The following NAV2 variants were observed in gnomAD, a reference collection of about 807,000 sequenced individuals.
NAV2 encodes helicase, APC down-regulated 1.
In NAV2, 54 loss-of-function variants were observed where a neutral mutation model predicts 223.2. The observed-to-expected ratio is 0.24, with a 90% confidence interval of 0.19 to 0.30. NAV2 has a LOEUF of 0.30. NAV2 is among the 10% of genes least tolerant of loss of function. NAV2 has a pLI of 1.00. For synonymous variants in NAV2, 1,279 were observed against 1,239.3 expected (o/e 1.03, Z -0.67); for missense variants, 2,806 against 3,147.5 (o/e 0.89, Z 2.60).
chr11:19,872,128 TTACAGCC>T (rs1470493119), intron 4 of NAV2, among the ~76,000 whole-genome samples: 66 of 152,304 alleles, frequency 4.3e-4, no homozygotes, highest in African/African-American at 1.5e-3. Context: ...GCAAGGGTAC[TTACAGCC>T]TTTAATCCTC....
At chr11:19,484,428 G>T (rs1471825505) in intron 1 of NAV2, among the ~76,000 whole-genome samples, 4 of 152,200 alleles carry the variant, frequency 2.6e-5, no homozygotes, top group African/African-American at 9.6e-5. Flanking sequence ...TATATTCCCT[G>T]GAAAACAGTC....
intron 1 of NAV2, among the ~76,000 whole-genome samples, chr11:19,374,080 G>A (rs1179326004): frequency 3.3e-5 from 5 of 152,056 alleles, no homozygotes; most frequent in African/African-American, 4.8e-5. Context: ...ACATTTTATA[G>A]CAATTATAAT....
In NAV2 at chr11:20,080,082, C is replaced by T; in HGVS notation, c.5198C>T (p.Ser1733Phe). 6.2e-7 allele frequency: 1 copy of T among 1,613,986 alleles called. No homozygotes were observed. The highest frequency in any genetic ancestry group is 8.5e-7 in the Non-Finnish European group (1 of 1,180,012). The stretch of plus-strand genomic sequence containing the variant: ...TCTCCAGGAAACGGCACTGCCCAGT[C>T]TGCAGACCTCCGCATCCGCAGGCAG... ...LNCKGNGTAQ[S>F]ADLRIRRQHS... The change falls in exon 25 of 38, where the codon TCT becomes TTT. Residue 1733 changes from serine (S) to phenylalanine (F), a missense_variant. Around this residue, in one of 4 missense-constraint regions of NAV2, gnomAD observed 824 missense variants for 1,069.4 expected, o/e 0.77. Coordinates refer to ENST00000349880, the MANE Select transcript of NAV2 (RefSeq NM_145117.5).
intron 1 of NAV2, among the ~76,000 whole-genome samples, chr11:19,500,794 T>C (rs555986661): frequency 1.3e-5 from 2 of 152,316 alleles, no homozygotes; most frequent in East Asian, 3.9e-4. Flanking sequence ...ATGGGTAAGG[T>C]TGCTCAGGCT....
intron 1 of NAV2, among the ~76,000 whole-genome samples, chr11:19,559,106 C>A (rs1590523510): frequency 6.6e-6 from 1 of 152,222 alleles, no homozygotes; most frequent in African/African-American, 2.4e-5. Context: ...CTTGCACATG[C>A]AAGAATGGGA....
intron 22 of NAV2, among the ~76,000 whole-genome samples, chr11:20,075,769 A>T (rs7125801): frequency 0.31 from 46,020 of 147,436 alleles, 8,135 homozygotes; most frequent in African/African-American, 0.47. Flanking sequence ...CGGCAAAAGC[A>T]TCTCCCCACC....
chr11:19,561,901 C>T (rs2045112635), intron 1 of NAV2, among the ~76,000 whole-genome samples: 1 of 152,168 alleles, frequency 6.6e-6, no homozygotes, highest in Non-Finnish European at 1.5e-5. Context: ...GCTACCATCC[C>T]TGGGGATGAT....
chr11:19,448,317 A>G (rs917587274), intron 1 of NAV2, among the ~76,000 whole-genome samples: 1 of 152,186 alleles, frequency 6.6e-6, no homozygotes, highest in Non-Finnish European at 1.5e-5. Flanking sequence ...TGGGGTTGGT[A>G]CCAATGTATT....
At chr11:19,985,625 G>A (rs535907319) in intron 11 of NAV2, among the ~76,000 whole-genome samples, 14 of 152,100 alleles carry the variant, frequency 9.2e-5, no homozygotes, top group African/African-American at 2.9e-4. Flanking sequence ...CACCCAGGCT[G>A]GAGTGCAGTG....
rs2063389799 is a variant in NAV2 at position 20,119,938 on chromosome 11, G to A, written c.*1680G>A. On this transcript the variant is annotated 3_prime_UTR_variant, in exon 38 of 38. Transcript: ENST00000349880. Reference sequence around the variant, plus strand: ...AGTTTCTACAAGTCTACATGACCTTGCTGATACTTGTTCTAATAGAAACCC... The same window carrying A: ...AGTTTCTACAAGTCTACATGACCTTACTGATACTTGTTCTAATAGAAACCC... 6.6e-6 allele frequency: 1 copy of A among 152,168 alleles called. No individual in the cohort carries two copies. Among genetic ancestry groups the A allele is most frequent in the Admixed American group, 6.5e-5 (1 of 15,274 alleles). The allele number at this position is 152,168 out of a possible 1,614,324, so 9.4% of individuals were successfully genotyped here. A position where few individuals can be genotyped will look rare whatever the true frequency, so the allele number is the denominator to read the frequency against.
At chr11:19,969,076 C>A (rs953143078) in intron 10 of NAV2, among the ~76,000 whole-genome samples, 3 of 152,256 alleles carry the variant, frequency 2.0e-5, no homozygotes, top group African/African-American at 7.2e-5. Flanking sequence ...CACCCTGTCC[C>A]TCTTGTGAAC....
At position 19,946,328 on chromosome 11, in the gene NAV2, G is replaced by C. The variant is rs1201027529; in HGVS notation, c.2147-73G>C. The C allele has an allele frequency of 5.2e-6, 7 of 1,357,732 alleles. No homozygotes were observed. The African/African-American group carries it at 8.8e-5, about 17-fold the overall frequency. 84.1% of individuals were successfully genotyped at this position (1,357,732 alleles called of 1,614,324 possible). On this transcript the variant is annotated intron_variant, in intron 8 of 37. Transcript: ENST00000349880. ...AGCATGGAATATGGTTATGGTCATA[G>C]ACATGGATGCTGCCCTTATGAAGCT...
chr11:20,079,691 GC>G (rs1486983823), intron 24 of NAV2, among the ~76,000 whole-genome samples: 4 of 152,176 alleles, frequency 2.6e-5, no homozygotes, highest in Non-Finnish European at 5.9e-5. Flanking sequence ...CTGCAAGAAG[GC>G]CACTGTGACA....
intron 1 of NAV2, among the ~76,000 whole-genome samples, chr11:19,396,650 C>T (rs529673186): frequency 1.3e-5 from 2 of 152,132 alleles, no homozygotes; most frequent in African/African-American, 4.8e-5. Flanking sequence ...CTGCTCTCTG[C>T]CAGTGCATCC....
Position 19,934,163 on chromosome 11 carries a change from G to A in NAV2, c.1919G>A (p.Gly640Glu), listed in dbSNP as rs2045635395. Residue 640 changes from glycine (G) to glutamate (E), a missense_variant, in exon 7 of 38, where the codon GGG becomes GAG. By Grantham distance (98) the Gly-to-Glu change is moderately conservative (BLOSUM62 -2). This residue lies in a region of NAV2 where 1,167 missense variants were observed against 1,180.5 expected (regional missense o/e 0.99). Coordinates refer to ENST00000349880, the MANE Select transcript of NAV2 (RefSeq NM_145117.5). ...AGCATCAGCAGCCAGACTGTCAGTG[G>A]GTCTGTCGGGACCACCCAGACCACA... Reference protein sequence around the residue: ...NHSISSQTVSGSVGTTQTTGS... With the variant: ...NHSISSQTVSESVGTTQTTGS... 6.2e-7 allele frequency: 1 copy of A among 1,613,734 alleles called. No individual in the cohort carries two copies. The highest frequency in any genetic ancestry group is 1.7e-5 in the Admixed American group (1 of 59,966).
rs564483654 is a variant in NAV2, at chr11:19,866,965, C to T, written c.439-1960C>T. 5.3e-4 allele frequency among the ~76,000 whole-genome samples: 80 copies of T among 152,166 alleles called. No individual in the cohort carries two copies. In the South Asian group the frequency reaches 5.8e-3, roughly 11 times the overall value. On this transcript the variant is annotated intron_variant, in intron 3 of 37. Transcript: ENST00000349880. ...AGTAGGAGAGAATGATAGGAAAAGG[C>T]AAGCAGTAGAAGAGAGATTTTATAA...
intron 1 of NAV2, among the ~76,000 whole-genome samples, chr11:19,763,772 GTTGTTTTT>G (rs1417970627): frequency 1.4e-4 from 20 of 146,622 alleles, no homozygotes; most frequent in Admixed American, 6.2e-4. Context: ...GATTAGCGTT[GTTGTTTTT>G]TTGTTTTTTT....
At chr11:20,076,678 A>G (rs987205564) in intron 22 of NAV2, among the ~76,000 whole-genome samples, 2 of 152,166 alleles carry the variant, frequency 1.3e-5, no homozygotes, top group Non-Finnish European at 2.9e-5. Context: ...TTAGGGCACA[A>G]AGTTACCTCT....
chr11:19,813,681 C>T (rs1358476022), intron 1 of NAV2, among the ~76,000 whole-genome samples: 2 of 152,180 alleles, frequency 1.3e-5, no homozygotes, highest in Non-Finnish European at 2.9e-5. Flanking sequence ...TAAAATTAAC[C>T]TTGGAGGCTT....
Sources: gnomAD v4.1 joint callset for allele counts (sites outside exome capture counted in the v4.1 genomes callset) on GRCh38, gnomAD v4.1.1 for gene constraint, gnomAD v4.1.1 regional missense constraint, MANE v1.5 for transcripts, NCBI Gene and HGNC (gene_info 2026-07-23, HGNC 2026-07-21) for gene names.